Variants in PIK3R1 observed in about 807,000 individuals in gnomAD.
PIK3R1 encodes phosphoinositide-3-kinase regulatory subunit 1.
PIK3R1 carries 29 observed loss-of-function variants against 98.0 expected under a neutral mutation model. The observed-to-expected ratio is 0.30, with a 90% CI of 0.22 to 0.40. The LOEUF (loss-of-function observed/expected upper bound fraction) is 0.40. Among genes scored for constraint, PIK3R1 ranks in the 10% least tolerant of loss-of-function variants. The pLI, the probability that PIK3R1 is intolerant of heterozygous loss-of-function variation, is 1.00. For synonymous variants in PIK3R1, 282 were observed against 311.8 expected, an observed-to-expected ratio of 0.90 and a Z score of 1.01; for missense variants, 596 against 872.7, an observed-to-expected ratio of 0.68 and a Z score of 3.99.
At position 68,280,410 on chromosome 5, in the gene PIK3R1, C is replaced by A. The variant is rs1026902742; in HGVS notation, c.635-118C>A. The A allele has an allele frequency of 6.9e-6, 5 of 723,448 alleles. No individual in the cohort carries two copies. In the East Asian group the frequency reaches 9.8e-5, roughly 14 times the overall value. 44.8% of individuals were successfully genotyped at this position (723,448 alleles called of 1,614,324 possible). The stretch of plus-strand genomic sequence containing the variant: ...ATGTACTGTGTGCTTCTCCCAACAA[C>A]TTTTTAAATGACTCCTATAGCTTGA... On this transcript the variant is annotated intron_variant, in intron 5 of 15. Transcript: ENST00000521381.
At chr5:68,247,849 T>C (rs1336522017) in intron 2 of PIK3R1, among the ~76,000 whole-genome samples, 1 of 152,180 alleles carries the variant, frequency 6.6e-6, no homozygotes, top group Non-Finnish European at 1.5e-5. Context: ...AGGGCCTGTT[T>C]TTCCAGATCA....
intron 2 of PIK3R1, among the ~76,000 whole-genome samples, chr5:68,252,386 T>TG (rs768378256): frequency 1.5e-5 from 2 of 137,698 alleles, no homozygotes; most frequent in Admixed American, 7.1e-5. Flanking sequence ...AAAAAAAAAG[T>TG]GGGGGGATCA....
At chr5:68,246,654 C>G (rs1184923095) in intron 2 of PIK3R1, among the ~76,000 whole-genome samples, 2 of 151,998 alleles carry the variant, frequency 1.3e-5, no homozygotes, top group African/African-American at 4.8e-5. Flanking sequence ...GACGGAGTCT[C>G]GCTCTGTCGC....
intron 2 of PIK3R1, among the ~76,000 whole-genome samples, chr5:68,248,011 T>G (rs76155191): frequency 6.6e-5 from 10 of 152,034 alleles, no homozygotes; most frequent in African/African-American, 2.4e-4. Context: ...TTTTTTTTTT[T>G]GACAGGGTCT....
At chr5:68,292,429 A>G (rs1000873856) in intron 8 of PIK3R1, 68 bp downstream of exon 8, 2 of 1,482,698 alleles carry the variant, frequency 1.3e-6, no homozygotes, top group Non-Finnish European at 1.9e-6. Flanking sequence ...CAGCTTGCTA[A>G]GTTCCATTTT....
intron 2 of PIK3R1, among the ~76,000 whole-genome samples, chr5:68,265,806 A>T (rs1167433152): frequency 6.6e-6 from 1 of 152,348 alleles, no homozygotes. Context: ...GAAAATGTTA[A>T]TCGTAGAATC....
intron 2 of PIK3R1, among the ~76,000 whole-genome samples, chr5:68,260,606 G>A (rs1393160917): frequency 6.6e-6 from 1 of 152,162 alleles, no homozygotes; most frequent in African/African-American, 2.4e-5. Context: ...AGTGATCTTG[G>A]TGTAGTCACC....
intron 2 of PIK3R1, among the ~76,000 whole-genome samples, chr5:68,230,485 A>C (rs16897511): frequency 0.23 from 35,468 of 152,214 alleles, 4,365 homozygotes; most frequent in African/African-American, 0.29. Context: ...ATGTGCAGTC[A>C]TACAAAGCTT....
chr5:68,260,974 AT>A (rs1033683036), intron 2 of PIK3R1, among the ~76,000 whole-genome samples: 1 of 152,162 alleles, frequency 6.6e-6, no homozygotes, highest in African/African-American at 2.4e-5. Flanking sequence ...TAAACCACCT[AT>A]CCCCTGGGTT....
rs545067347 is a variant in PIK3R1, at chr5:68,250,164, C to T, written c.334+23155C>T. ...TTCGCCCTTAGCACTTGCTCCTCTCCAGCTCACTGTGTTTCTTTTCTCTCT... is the reference window on the plus strand; with the variant it reads ...TTCGCCCTTAGCACTTGCTCCTCTCTAGCTCACTGTGTTTCTTTTCTCTCT... On this transcript the variant is annotated intron_variant, in intron 2 of 15. Coordinates refer to ENST00000521381, the MANE Select transcript of PIK3R1 (RefSeq NM_181523.3). 2.3e-4 allele frequency among the ~76,000 whole-genome samples: 35 copies of T among 152,312 alleles called. No individual in the cohort carries two copies. The South Asian group carries it at 7.3e-3, about 32-fold the overall frequency.
chr5:68,259,226 A>C (rs1745644252), intron 2 of PIK3R1, among the ~76,000 whole-genome samples: 1 of 152,196 alleles, frequency 6.6e-6, no homozygotes, highest in South Asian at 2.1e-4. Context: ...TTTTATATTG[A>C]TTATATGTTG....
At chr5:68,280,378 AG>A in intron 5 of PIK3R1, 149 bp from the exon 6 acceptor site, 1 of 645,420 alleles carries the variant, frequency 1.5e-6, no homozygotes, top group Non-Finnish European at 2.7e-6. Flanking sequence ...TCTAATGAGA[AG>A]GACAAATGTA....
intron 2 of PIK3R1, among the ~76,000 whole-genome samples, chr5:68,260,944 T>C (rs963137840): frequency 2.0e-5 from 3 of 152,222 alleles, no homozygotes; most frequent in African/African-American, 7.2e-5. Context: ...AAAGTGAAAA[T>C]GTATACCAAA....
chr5:68,249,154 G>A (rs1745208619), intron 2 of PIK3R1, among the ~76,000 whole-genome samples: 1 of 152,184 alleles, frequency 6.6e-6, no homozygotes, highest in Non-Finnish European at 1.5e-5. Flanking sequence ...TACCAGTAAT[G>A]ATACCTTCTT....
chr5:68,220,216 T>C (rs1744047826), intron 1 of PIK3R1, among the ~76,000 whole-genome samples: 1 of 152,200 alleles, frequency 6.6e-6, no homozygotes, highest in Non-Finnish European at 1.5e-5. Context: ...TTAGGCACAA[T>C]CTGACTGGGG....
intron 7 of PIK3R1, chr5:68,290,797 C>T: frequency 6.2e-7 from 1 of 1,612,948 alleles, no homozygotes; most frequent in East Asian, 2.2e-5. Flanking sequence ...TAAATTGTGG[C>T]ACAGACTTGA....
intron 14 of PIK3R1, 166 bp downstream of exon 14, chr5:68,295,654 A>G (rs1320475851): frequency 1.4e-5 from 9 of 635,466 alleles, no homozygotes; most frequent in Non-Finnish European, 5.6e-6. Flanking sequence ...TAAAAAAAGA[A>G]AGCTTAGCTA....
intron 2 of PIK3R1, among the ~76,000 whole-genome samples, chr5:68,229,048 C>T (rs995024404): frequency 1.3e-5 from 2 of 151,316 alleles, no homozygotes; most frequent in African/African-American, 2.4e-5. Flanking sequence ...AGAAAGAGAC[C>T]CATGATAATG....
At chr5:68,285,338 T>C (rs955756327) in intron 7 of PIK3R1, among the ~76,000 whole-genome samples, 1 of 152,206 alleles carries the variant, frequency 6.6e-6, no homozygotes, top group Non-Finnish European at 1.5e-5. Context: ...TTTTAAATGC[T>C]CTGGGCTTGG....
Sources: gnomAD v4.1 joint callset for allele counts (sites outside exome capture counted in the v4.1 genomes callset) on GRCh38, gnomAD v4.1.1 for gene constraint, MANE v1.5 for transcripts, NCBI Gene and HGNC (gene_info 2026-07-23, HGNC 2026-07-21) for gene names.